PWWP2A: variants seen among roughly 807,000 people sequenced by gnomAD.
The protein encoded by PWWP2A is PWWP domain containing 2A.
A neutral mutation model predicts 48.5 loss-of-function variants in PWWP2A; 18 were observed. The observed-to-expected ratio is 0.37, with a 90% CI of 0.26 to 0.55. The LOEUF is 0.55. Among genes scored for constraint, PWWP2A ranks in the 20% least tolerant of loss-of-function variants. The pLI is 0.81. For missense variants in PWWP2A, 867 were observed against 976.4 expected (o/e 0.89, Z 1.49); for synonymous variants, 396 against 387.7 (o/e 1.02, Z -0.25).
the PWWP2A span, among the ~76,000 whole-genome samples, chr5:160,052,997 CATGA>C: frequency 6.6e-6 from 1 of 152,072 alleles, no homozygotes; most frequent in Non-Finnish European, 1.5e-5. Context: ...GTATAAAAAT[CATGA>C]ATAAGATACT....
At chr5:160,045,002 A>G in the PWWP2A span, among the ~76,000 whole-genome samples, 16 of 152,192 alleles carry the variant, frequency 1.1e-4, no homozygotes, top group Non-Finnish European at 2.2e-4. Context: ...ATGTGTTACC[A>G]AGTTGGACTG....
intron 1 of PWWP2A, among the ~76,000 whole-genome samples, chr5:160,104,928 C>G (rs1461506370): frequency 6.6e-6 from 1 of 151,966 alleles, no homozygotes; most frequent in African/African-American, 2.4e-5. Flanking sequence ...AAATATGAGC[C>G]CTTTTCAATA....
Position 160,077,410 on chromosome 5 carries a change from G to A in PWWP2A, c.*745C>T, listed in dbSNP as rs903522909. 2.0e-5 allele frequency: 3 copies of A among 152,164 alleles called. No individual in the cohort carries two copies. Among genetic ancestry groups the A allele is most frequent in the African/African-American group, 7.2e-5 (3 of 41,448 alleles). The allele number at this position is 152,164 out of a possible 1,614,324, so 9.4% of individuals were successfully genotyped here. A position where few individuals can be genotyped will look rare whatever the true frequency, so the allele number is the denominator to read the frequency against. ...ATCAACACTAGCCTATCCACTTTGA[G>A]TCAAAATTTGAAAGGTAAGAATGTA... On this transcript the variant is annotated 3_prime_UTR_variant, in exon 4 of 4. Transcript: ENST00000456329. This position sits in a 1 kb window ranked among gnomAD's most constrained non-coding sequence, Gnocchi z 4.2.
chr5:160,074,050 G>A (rs1753807842), downstream of PWWP2A, among the ~76,000 whole-genome samples: 2 of 140,494 alleles, frequency 1.4e-5, no homozygotes, highest in Admixed American at 7.1e-5. Flanking sequence ...GGGTGACAGA[G>A]TGAGACTCCG....
chr5:160,091,049 G>A (rs1755016252), downstream of PWWP2A: 2 of 984,688 alleles, frequency 2.0e-6, no homozygotes, highest in Admixed American at 1.2e-4. Context: ...AGCATGTGAT[G>A]AAATATTAAG....
the PWWP2A span, chr5:160,049,546 A>G: frequency 1.2e-6 from 2 of 1,600,308 alleles, no homozygotes; most frequent in Admixed American, 3.5e-5. Flanking sequence ...TATCAGGGCA[A>G]TATTGAGGAG....
chr5:160,088,129 C>T (rs1205601210), downstream of PWWP2A, among the ~76,000 whole-genome samples: 1 of 152,196 alleles, frequency 6.6e-6, no homozygotes, highest in African/African-American at 2.4e-5. Context: ...TAAATCAGAA[C>T]CAGGTAAAAG....
In PWWP2A at chr5:160,077,934, AT is replaced by A; in HGVS notation, c.*220del. The A allele has an allele frequency of 2.0e-6, 1 of 490,146 alleles. No individual in the cohort carries two copies. The highest frequency in any genetic ancestry group is 3.7e-6 in the Non-Finnish European group (1 of 273,032). The allele number at this position is 490,146 out of a possible 1,614,324, so 30.4% of individuals were successfully genotyped here. A position where few individuals can be genotyped will look rare whatever the true frequency, so the allele number is the denominator to read the frequency against. ...CATCATTTTTCTCCTCATCTCATGC[AT>A]AATTTATTGCAAGTTTATTTTTTAT... On this transcript the variant is annotated 3_prime_UTR_variant, in exon 4 of 4. Transcript: ENST00000456329. This position sits in a 1 kb window ranked among gnomAD's most constrained non-coding sequence, Gnocchi z 4.2.
downstream of PWWP2A, among the ~76,000 whole-genome samples, chr5:160,071,014 C>CCTAT (rs1168896156): frequency 6.6e-6 from 1 of 152,052 alleles, no homozygotes; most frequent in Admixed American, 6.6e-5. Flanking sequence ...ATGGCGAAAC[C>CCTAT]CTATCTTTAG....
Position 160,070,113 on chromosome 5 carries a change from T to C in PWWP2A, c.*80-3242A>G, listed in dbSNP as rs74601143. ...TGTAGAGTGCACTGTGGATTCATTC[T>C]TTCATTTTACTCATGGATCCATGCT... On this transcript the variant is annotated intron_variant and NMD_transcript_variant, in intron 2 of 5. Coordinates refer to the PWWP2A transcript ENST00000524050. Among the ~76,000 whole-genome samples the C allele has an allele frequency of 2.9e-3, 446 of 152,276 alleles. 17 individuals are homozygous for C. The East Asian group carries it at 0.073, about 25-fold the overall frequency.
At chr5:160,098,984 G>A (rs1271945554) in intron 1 of PWWP2A, among the ~76,000 whole-genome samples, 1 of 152,078 alleles carries the variant, frequency 6.6e-6, no homozygotes, top group Non-Finnish European at 1.5e-5. Flanking sequence ...AATTCTTCAA[G>A]TACAGTCTGT....
intron 1 of PWWP2A, chr5:160,116,982 C>T (rs1429996839): frequency 6.5e-6 from 1 of 152,884 alleles, no homozygotes; most frequent in Non-Finnish European, 1.5e-5. Flanking sequence ...ATCCCAGCTA[C>T]TTGGGAGGCT....
At chr5:160,090,301 G>A, downstream of PWWP2A, 1 of 984,928 alleles carries the variant, frequency 1.0e-6, no homozygotes, top group Non-Finnish European at 1.2e-6. Flanking sequence ...AACTCACCCA[G>A]ATCATTACAC....
chr5:160,084,074 GAT>G (rs1226434415), intron 2 of PWWP2A, among the ~76,000 whole-genome samples: 1 of 152,198 alleles, frequency 6.6e-6, no homozygotes, highest in East Asian at 1.9e-4. Flanking sequence ...GTTGCAGAAT[GAT>G]AGTATCGAAA....
chr5:160,054,479 G>GT, the PWWP2A span, among the ~76,000 whole-genome samples: 1 of 152,076 alleles, frequency 6.6e-6, no homozygotes, highest in East Asian at 1.9e-4. Flanking sequence ...GCCAGGCGTG[G>GT]TAGCACAAGA....
chr5:160,109,134 C>CCA (rs764449127), intron 1 of PWWP2A, among the ~76,000 whole-genome samples: 1 of 152,126 alleles, frequency 6.6e-6, no homozygotes, highest in Non-Finnish European at 1.5e-5. Flanking sequence ...CAGGTGCACA[C>CCA]CACCACACCC....
chr5:160,084,063 T>C (rs1754436821), intron 2 of PWWP2A, among the ~76,000 whole-genome samples: 1 of 152,224 alleles, frequency 6.6e-6, no homozygotes, highest in African/African-American at 2.4e-5. Context: ...ACTGAGTATA[T>C]GTTGCAGAAT....
the PWWP2A span, among the ~76,000 whole-genome samples, chr5:160,056,066 C>T: frequency 6.6e-6 from 1 of 152,210 alleles, no homozygotes; most frequent in Non-Finnish European, 1.5e-5. Context: ...TGTATTCTGA[C>T]CATTCCATGC....
chr5:160,049,068 T>G, the PWWP2A span, among the ~76,000 whole-genome samples: 6 of 152,250 alleles, frequency 3.9e-5, no homozygotes, highest in Non-Finnish European at 7.3e-5. Context: ...GACCAGGATA[T>G]GGCAAACTAC....
Sources: gnomAD v4.1 joint callset for allele counts (sites outside exome capture counted in the v4.1 genomes callset) on GRCh38, gnomAD v4.1.1 for gene constraint, Gnocchi (gnomAD v3.1) non-coding constraint, MANE v1.5 for transcripts, NCBI Gene and HGNC (gene_info 2026-07-23, HGNC 2026-07-21) for gene names.